UBR1: variants seen among roughly 807,000 people sequenced by gnomAD.
The protein encoded by UBR1 is E3 ubiquitin-protein ligase UBR1.
In UBR1, 102 loss-of-function variants were observed where a neutral mutation model predicts 242.1. The ratio of observed to expected loss-of-function variants is 0.42; its 90% CI spans 0.36 to 0.50. The LOEUF is 0.50. UBR1 is among the 20% of genes least tolerant of loss of function. The pLI, the probability that UBR1 is intolerant of heterozygous loss-of-function variation, is 0.01. For missense variants in UBR1, 1,772 were observed against 2,101.8 expected, an observed-to-expected ratio of 0.84 and a Z score of 3.07; for synonymous variants, 675 against 684.8, an observed-to-expected ratio of 0.99 and a Z score of 0.22.
chr15:43,005,773 A>G (rs1265094944), intron 30 of UBR1, among the ~76,000 whole-genome samples: 2 of 151,686 alleles, frequency 1.3e-5, no homozygotes, highest in Non-Finnish European at 2.9e-5. Context: ...GGATGCTGTT[A>G]ATCTATAACC....
intron 1 of UBR1, among the ~76,000 whole-genome samples, chr15:43,087,712 T>C (rs2034054710): frequency 6.6e-6 from 1 of 152,220 alleles, no homozygotes; most frequent in African/African-American, 2.4e-5. Context: ...ATTCTAGGAA[T>C]TTATTCCTCT....
intron 32 of UBR1, among the ~76,000 whole-genome samples, chr15:43,000,947 C>T (rs1010560042): frequency 6.6e-6 from 1 of 151,868 alleles, no homozygotes; most frequent in African/African-American, 2.4e-5. Context: ...AATTTTCGTG[C>T]CTCAGCCTCC....
intron 32 of UBR1, among the ~76,000 whole-genome samples, chr15:43,001,891 T>C (rs1053077469): frequency 3.3e-5 from 5 of 152,154 alleles, no homozygotes; most frequent in Admixed American, 6.5e-5. Flanking sequence ...CAAAGATCAT[T>C]AGAGCTATCA....
In UBR1 at chr15:43,098,891, T is replaced by C. The variant is rs576108820; in HGVS notation, c.81+7051A>G. 2.0e-5 allele frequency among the ~76,000 whole-genome samples: 3 copies of C among 152,252 alleles called. No homozygotes were observed. The South Asian group carries it at 6.2e-4, about 31-fold the overall frequency. On this transcript the variant is annotated intron_variant, in intron 1 of 46. Transcript: ENST00000290650. ...CTCAAAAGACCTACATTTTCATCAG[T>C]TTTCCCACTCAGAGTGTGTCCTTAC...
chr15:43,071,391 C>T (rs186655968), intron 4 of UBR1, among the ~76,000 whole-genome samples: 52 of 152,142 alleles, frequency 3.4e-4, no homozygotes, highest in Admixed American at 2.2e-3. Context: ...TCTGCTCATA[C>T]GAAGTATCTA....
chr15:43,091,003 G>A lies in UBR1; in HGVS notation c.82-4763C>T, dbSNP rs531784944. ...TGCCCAGGCTGGAGTGCAATGGCACGATCTCGGCCCATGCAACCTCTGCCT... is the reference window on the plus strand; with the variant it reads ...TGCCCAGGCTGGAGTGCAATGGCACAATCTCGGCCCATGCAACCTCTGCCT... On this transcript the variant is annotated intron_variant, in intron 1 of 46. Transcript: ENST00000290650. Among the ~76,000 whole-genome samples the A allele has an allele frequency of 1.9e-4, 29 of 152,136 alleles. 1 individual carries two copies. In the South Asian group the frequency reaches 3.3e-3, roughly 17 times the overall value.
chr15:43,040,903 A>G (rs2033409339), intron 15 of UBR1, among the ~76,000 whole-genome samples: 1 of 152,200 alleles, frequency 6.6e-6, no homozygotes, highest in Non-Finnish European at 1.5e-5. Flanking sequence ...TTACCATCTC[A>G]CACCAGTTAG....
chr15:43,041,137 T>C (rs950463321), intron 15 of UBR1, among the ~76,000 whole-genome samples: 6 of 152,198 alleles, frequency 3.9e-5, no homozygotes, highest in Non-Finnish European at 7.3e-5. Context: ...TAAAGACACA[T>C]GCACACGTAT....
At chr15:43,025,820 A>T (rs2033170804) in intron 23 of UBR1, 2 of 192,830 alleles carry the variant, frequency 1.0e-5, no homozygotes, top group Middle Eastern at 2.2e-3. Context: ...ATGGGATGCA[A>T]TATATCATTT....
At chr15:42,988,737 C>T in intron 35 of UBR1, 82 bp downstream of exon 35, 1 of 1,556,546 alleles carries the variant, frequency 6.4e-7, no homozygotes. Flanking sequence ...TCTGGGCCAT[C>T]AGTGAAAAAA....
At chr15:43,084,818 T>C (rs1307165058) in intron 2 of UBR1, among the ~76,000 whole-genome samples, 1 of 152,218 alleles carries the variant, frequency 6.6e-6, no homozygotes, top group Non-Finnish European at 1.5e-5. Flanking sequence ...AAACAACTGT[T>C]AACTGTACAT....
intron 40 of UBR1, among the ~76,000 whole-genome samples, chr15:42,969,484 A>G (rs922197434): frequency 6.6e-6 from 1 of 152,114 alleles, no homozygotes; most frequent in Non-Finnish European, 1.5e-5. Context: ...CACTCTGATG[A>G]TAGTTTCTTT....
chr15:43,053,082 A>T (rs1043505645), intron 12 of UBR1, among the ~76,000 whole-genome samples: 1 of 152,214 alleles, frequency 6.6e-6, no homozygotes, highest in Non-Finnish European at 1.5e-5. Context: ...ATGAGAGTGA[A>T]TTACACAGTA....
chr15:43,015,128 C>G (rs2032999812), intron 29 of UBR1, among the ~76,000 whole-genome samples: 1 of 152,252 alleles, frequency 6.6e-6, no homozygotes, highest in Non-Finnish European at 1.5e-5. Flanking sequence ...GGCCACCACC[C>G]CGTCTGGGAG....
At chr15:43,066,436 G>A (rs1226225842) in intron 6 of UBR1, among the ~76,000 whole-genome samples, 1 of 152,054 alleles carries the variant, frequency 6.6e-6, no homozygotes, top group East Asian at 1.9e-4. Flanking sequence ...GATTATATTG[G>A]CTATTTAGGC....
intron 15 of UBR1, among the ~76,000 whole-genome samples, chr15:43,042,474 A>T (rs2033432315): frequency 6.6e-6 from 1 of 152,222 alleles, no homozygotes; most frequent in Non-Finnish European, 1.5e-5. Context: ...TACCTAGAGT[A>T]GTCAAATTCA....
intron 37 of UBR1, among the ~76,000 whole-genome samples, chr15:42,980,475 C>T (rs1031430658): frequency 6.6e-6 from 1 of 152,204 alleles, no homozygotes; most frequent in Admixed American, 6.5e-5. Flanking sequence ...TCAGTTTTCT[C>T]GTAAATCGGG....
chr15:43,004,535 C>A lies in UBR1; in HGVS notation c.3416-605G>T, dbSNP rs7178410. Among the ~76,000 whole-genome samples the A allele has an allele frequency of 7.9e-5, 12 of 152,344 alleles. 1 individual carries two copies. Among genetic ancestry groups the A allele is most frequent in the Middle Eastern group, 3.4e-3 (1 of 294 alleles). On this transcript the variant is annotated intron_variant, in intron 30 of 46. Coordinates refer to ENST00000290650, the MANE Select transcript of UBR1 (RefSeq NM_174916.3). ...CTGGGATTGCAGGCACACGCCGCCACGCCTGACTGGTTTTTGCATTTTTTT... is the reference window on the plus strand; with the variant it reads ...CTGGGATTGCAGGCACACGCCGCCAAGCCTGACTGGTTTTTGCATTTTTTT...
chr15:42,976,727 T>C lies in UBR1; in HGVS notation c.4359A>G (p.Thr1453=), dbSNP rs142894633. 1.1e-5 allele frequency: 17 copies of C among 1,613,970 alleles called. No homozygotes were observed. The highest frequency in any genetic ancestry group is 1.7e-5 in the Admixed American group (1 of 59,988). ...TMAHMLQILL[T]VDTGLPLAQV... is the part of the protein sequence containing the mutation. ...AGATGAAAACCTTACCTGTGTCTACTGTAAGTAGTATCTGAAGCATGTGTG... is the reference window on the plus strand; with the variant it reads ...AGATGAAAACCTTACCTGTGTCTACCGTAAGTAGTATCTGAAGCATGTGTG... The change falls in exon 39 of 47, where the codon ACA becomes ACG. Residue 1453 remains threonine (T), a synonymous_variant. Coordinates refer to ENST00000290650, the MANE Select transcript of UBR1 (RefSeq NM_174916.3).
Sources: allele counts gnomAD v4.1 joint callset (sites outside exome capture counted in the v4.1 genomes callset), GRCh38; gene constraint gnomAD v4.1.1; transcripts MANE v1.5; gene names NCBI Gene and HGNC (gene_info 2026-07-23, HGNC 2026-07-21).